OTULIN: variants seen among roughly 807,000 people sequenced by gnomAD.
OTULIN encodes the protein ubiquitin thioesterase otulin.
In OTULIN, 15 loss-of-function variants were observed where a neutral mutation model predicts 39.6. The observed-to-expected ratio is 0.38, with a 90% confidence interval of 0.25 to 0.58. OTULIN has a LOEUF of 0.58. Among genes scored for constraint, OTULIN ranks in the 20% least tolerant of loss-of-function variants. The probability of loss-of-function intolerance (pLI) is 0.66; values close to 1 mark genes in which losing one functional copy is unlikely to be tolerated. For missense variants in OTULIN, 319 were observed against 445.9 expected (o/e 0.72, Z 2.56); for synonymous variants, 156 against 170.3 (o/e 0.92, Z 0.65).
At chr5:14,716,492 CAATAAATA>C in the OTULIN span, among the ~76,000 whole-genome samples, 1 of 151,446 alleles carries the variant, frequency 6.6e-6, no homozygotes, top group African/African-American at 2.4e-5. Context: ...ACTCTGTCTC[CAATAAATA>C]AATAAATAAA....
Position 14,665,070 on chromosome 5 carries a change from T to TC in OTULIN, c.152+95dup, listed in dbSNP as rs113435226. ...GGGGTGGGGAGTCGTCAGCGGAGGG[T>TC]CCTGGGCGTCTTCAATTCTGAGTGA... On this transcript the variant is annotated intron_variant, in intron 1 of 6. Coordinates refer to ENST00000284274, the MANE Select transcript of OTULIN (RefSeq NM_138348.6). 1 allele frequency: 941,000 copies of TC among 941,038 alleles called. 470,481 individuals carry two copies. Among genetic ancestry groups the TC allele is most frequent in the Middle Eastern group, 1 (1,876 of 1,876 alleles). The allele number at this position is 941,038 out of a possible 1,614,324, so 58.3% of individuals were successfully genotyped here. A position where few individuals can be genotyped will look rare whatever the true frequency, so the allele number is the denominator to read the frequency against.
chr5:14,683,144 G>T (rs1415770433), intron 4 of OTULIN, among the ~76,000 whole-genome samples: 1 of 152,152 alleles, frequency 6.6e-6, no homozygotes, highest in Non-Finnish European at 1.5e-5. Flanking sequence ...GGAGCCAAGT[G>T]TGGTGGCGCC....
At chr5:14,680,314 T>C (rs941058280) in intron 3 of OTULIN, among the ~76,000 whole-genome samples, 3 of 152,210 alleles carry the variant, frequency 2.0e-5, no homozygotes, top group Non-Finnish European at 4.4e-5. Context: ...AAAGTACTTT[T>C]ATATTCACTT....
rs951792521 is a variant in OTULIN, at chr5:14,694,334, G to A, written c.*1286G>A. 1 of 152,288 alleles carries A rather than the reference G, an allele frequency of 6.6e-6. No homozygotes were observed. The highest frequency in any genetic ancestry group is 2.4e-5 in the African/African-American group (1 of 41,462). 9.4% of individuals were successfully genotyped at this position (152,288 alleles called of 1,614,324 possible). On this transcript the variant is annotated 3_prime_UTR_variant, in exon 7 of 7. Transcript: ENST00000284274. ...TGAAGGGGCAGCTCTGCTGAGCATG[G>A]TCTGCCTTATGGCCTGAATTGTCCT...
At chr5:14,681,648 C>A in intron 4 of OTULIN, 41 bp downstream of exon 4, 1 of 1,575,630 alleles carries the variant, frequency 6.3e-7, no homozygotes, top group Non-Finnish European at 8.6e-7. Flanking sequence ...ATGTTTCAAA[C>A]AATTTTTGTG....
chr5:14,695,727 A>G lies in OTULIN; in HGVS notation c.*2679A>G, dbSNP rs778020189. ...ATACATCTGTTGATTTTATCCATCC[A>G]CAAGGAACAATGATAGTCACATTAG... On this transcript the variant is annotated 3_prime_UTR_variant, in exon 7 of 7. Coordinates refer to ENST00000284274, the MANE Select transcript of OTULIN (RefSeq NM_138348.6). 20 of 152,336 alleles carry G rather than the reference A, an allele frequency of 1.3e-4. No homozygotes were observed. Among genetic ancestry groups the G allele is most frequent in the Non-Finnish European group, 2.8e-4 (19 of 68,038 alleles). The allele number at this position is 152,336 out of a possible 1,614,324, so 9.4% of individuals were successfully genotyped here.
chr5:14,664,968 C>G lies in OTULIN; in HGVS notation c.143C>G (p.Pro48Arg). The G allele has an allele frequency of 2.8e-6, 3 of 1,088,170 alleles. No homozygotes were observed. The highest frequency in any genetic ancestry group is 3.3e-6 in the Non-Finnish European group (3 of 897,110). 67.4% of individuals were successfully genotyped at this position (1,088,170 alleles called of 1,614,324 possible). A position where few individuals can be genotyped will look rare whatever the true frequency, so the allele number is the denominator to read the frequency against. Residue 48 changes from proline to arginine, a missense_variant, in exon 1 of 7, where the codon CCG becomes CGG. Coordinates refer to ENST00000284274, the MANE Select transcript of OTULIN (RefSeq NM_138348.6). ...SGQPRPEMQC[P>R]AEHEEDMYRA... The stretch of plus-strand genomic sequence containing the variant: ...CAGCCGCGGCCCGAGATGCAGTGCC[C>G]GGCCGAGCAGTGAGTCCGCGGGGGC...
chr5:14,665,317 C>A (rs946169461), intron 1 of OTULIN, among the ~76,000 whole-genome samples: 11 of 152,178 alleles, frequency 7.2e-5, no homozygotes, highest in Non-Finnish European at 1.3e-4. Flanking sequence ...TTTCCTTCAG[C>A]CTGGCACAGG....
In OTULIN at chr5:14,687,516, T is replaced by C. The variant is rs750059914; in HGVS notation, c.469-5T>C. ...TCTTTATCTCTTTGTTTCTCGATGT[T>C]GTAGTTACCAGAAAAACTCATAAGC... On this transcript the variant is annotated splice_polypyrimidine_tract_variant and splice_region_variant and intron_variant, in intron 4 of 6. Transcript: ENST00000284274. The C allele has an allele frequency of 8.1e-6, 13 of 1,611,656 alleles. No homozygotes were observed. Among genetic ancestry groups the C allele is most frequent in the Non-Finnish European group, 5.1e-6 (6 of 1,179,418 alleles).
At chr5:14,701,035 G>A (rs766191973), downstream of OTULIN, among the ~76,000 whole-genome samples, 16 of 152,316 alleles carry the variant, frequency 1.1e-4, no homozygotes, top group African/African-American at 1.7e-4. Context: ...CAGGGAGGGA[G>A]CAGAGATCTC....
At chr5:14,704,707 A>G (rs1010048068), downstream of OTULIN, 5 of 152,144 alleles carry the variant, frequency 3.3e-5, no homozygotes, top group Non-Finnish European at 5.9e-5. Flanking sequence ...TTAAAAGGGA[A>G]ACTGTAATCA....
chr5:14,706,446 A>G, the OTULIN span: 1 of 152,254 alleles, frequency 6.6e-6, no homozygotes, highest in African/African-American at 2.4e-5. Flanking sequence ...TGCTCTTCCC[A>G]GCAGAAAGTT....
intron 2 of OTULIN, among the ~76,000 whole-genome samples, 195 bp from the exon 3 acceptor site, chr5:14,678,486 C>A (rs1736161726): frequency 6.6e-6 from 1 of 151,982 alleles, no homozygotes; most frequent in African/African-American, 2.4e-5. Context: ...CAAGGGACAC[C>A]CATTGGGAGA....
At chr5:14,672,836 G>C (rs1736012280) in intron 1 of OTULIN, among the ~76,000 whole-genome samples, 2 of 152,048 alleles carry the variant, frequency 1.3e-5, no homozygotes, top group Non-Finnish European at 1.5e-5. Flanking sequence ...CCTGTCTTCT[G>C]GTTTCATGAA....
downstream of OTULIN, among the ~76,000 whole-genome samples, chr5:14,701,264 G>A (rs1481403585): frequency 6.6e-6 from 1 of 152,186 alleles, no homozygotes; most frequent in Non-Finnish European, 1.5e-5. Flanking sequence ...TTTGCAGCTC[G>A]TAGGAAGCCA....
At chr5:14,715,186 C>T in the OTULIN span, among the ~76,000 whole-genome samples, 4 of 152,254 alleles carry the variant, frequency 2.6e-5, no homozygotes, top group Admixed American at 1.3e-4. Context: ...GGCTGGAGTG[C>T]AGTGGTGCAA....
chr5:14,678,911 T>G, intron 3 of OTULIN, 136 bp downstream of exon 3: 1 of 522,660 alleles, frequency 1.9e-6, no homozygotes, highest in Non-Finnish European at 3.3e-6. Flanking sequence ...AATTTTAGAG[T>G]TAAGGAAATA....
intron 1 of OTULIN, among the ~76,000 whole-genome samples, chr5:14,671,214 T>A (rs982235459): frequency 6.6e-5 from 10 of 152,172 alleles, no homozygotes; most frequent in African/African-American, 2.4e-4. Flanking sequence ...TGGATTTTGG[T>A]TATTTTGTAG....
chr5:14,672,972 C>T (rs1050904089), intron 1 of OTULIN, among the ~76,000 whole-genome samples: 2 of 152,062 alleles, frequency 1.3e-5, no homozygotes, highest in Non-Finnish European at 2.9e-5. Flanking sequence ...GGATTTTTTC[C>T]CTTTGTAGTA....
Sources: allele counts gnomAD v4.1 joint callset (sites outside exome capture counted in the v4.1 genomes callset), GRCh38; gene constraint gnomAD v4.1.1; transcripts MANE v1.5; gene names NCBI Gene and HGNC (gene_info 2026-07-23, HGNC 2026-07-21).